The following SLIT3 variants were observed in gnomAD, a reference collection of about 807,000 sequenced individuals.
SLIT3 encodes the protein slit homolog 3 protein.
Under a neutral mutation model 184.0 loss-of-function variants are expected in SLIT3, and 68 were observed. The observed-to-expected ratio is 0.37, with a 90% CI of 0.30 to 0.45. The LOEUF (loss-of-function observed/expected upper bound fraction) is 0.45. Among genes scored for constraint, SLIT3 ranks in the 20% least tolerant of loss-of-function variants. The probability of loss-of-function intolerance (pLI) is 1.00; values close to 1 mark genes in which losing one functional copy is unlikely to be tolerated. For synonymous variants in SLIT3, 831 were observed against 828.6 expected (o/e 1.00, Z -0.05); for missense variants, 1,707 against 2,026.0 (o/e 0.84, Z 3.02).
At chr5:169,189,545 T>TAAAA (rs1404263670) in intron 4 of SLIT3, among the ~76,000 whole-genome samples, 2 of 47,366 alleles carry the variant, frequency 4.2e-5, no homozygotes, top group African/African-American at 1.5e-4. Context: ...TATATATATA[T>TAAAA]ATATATATAT....
intron 3 of SLIT3, among the ~76,000 whole-genome samples, chr5:169,224,074 A>T (rs1365262735): frequency 1.3e-5 from 2 of 152,210 alleles, no homozygotes. Flanking sequence ...TTTGAAGCTA[A>T]AGAGAGCTGC....
chr5:168,776,247 C>T (rs926975695), intron 12 of SLIT3, among the ~76,000 whole-genome samples: 21 of 152,162 alleles, frequency 1.4e-4, no homozygotes, highest in Non-Finnish European at 2.4e-4. Context: ...ATACTCCCCA[C>T]GGTCCCGGTG....
At chr5:169,267,691 C>G (rs1766449082) in intron 1 of SLIT3, among the ~76,000 whole-genome samples, 1 of 152,186 alleles carries the variant, frequency 6.6e-6, no homozygotes, top group Non-Finnish European at 1.5e-5. Flanking sequence ...CAGATCAACA[C>G]AAATGGTCAT....
At chr5:168,712,479 G>A in intron 23 of SLIT3, 125 bp from the exon 24 acceptor site, 1 of 768,106 alleles carries the variant, frequency 1.3e-6, no homozygotes, top group South Asian at 1.5e-5. Context: ...GCTCCTAGCA[G>A]TAGCTGCTGC....
At chr5:169,133,622 A>G (rs1214544103) in intron 4 of SLIT3, among the ~76,000 whole-genome samples, 1 of 152,238 alleles carries the variant, frequency 6.6e-6, no homozygotes, top group Non-Finnish European at 1.5e-5. Context: ...AGGGAGAGGC[A>G]GAATGAGAGG....
At chr5:168,745,677 G>A (rs923722707) in intron 20 of SLIT3, among the ~76,000 whole-genome samples, 2 of 152,220 alleles carry the variant, frequency 1.3e-5, no homozygotes, top group African/African-American at 4.8e-5. Context: ...CTCCCAAAGT[G>A]CTGGGATTAC....
chr5:169,105,380 G>C (rs868133376), intron 4 of SLIT3, among the ~76,000 whole-genome samples: 1 of 152,118 alleles, frequency 6.6e-6, no homozygotes, highest in African/African-American at 2.4e-5. Context: ...TTAAACCAAC[G>C]AAATACCCAA....
At chr5:168,702,675 C>CGATGAT (rs10596363) in intron 26 of SLIT3, among the ~76,000 whole-genome samples, 58 of 149,600 alleles carry the variant, frequency 3.9e-4, no homozygotes, top group East Asian at 1.6e-3. Flanking sequence ...TAAATAATAG[C>CGATGAT]GATGATGATG....
At chr5:168,911,658 G>A (rs2113082506) in intron 4 of SLIT3, among the ~76,000 whole-genome samples, 1 of 152,252 alleles carries the variant, frequency 6.6e-6, no homozygotes, top group East Asian at 1.9e-4. Context: ...AATAAGGAAG[G>A]TTTACGATTA....
chr5:168,705,938 G>T (rs1269535500), intron 26 of SLIT3, among the ~76,000 whole-genome samples: 1 of 152,198 alleles, frequency 6.6e-6, no homozygotes, highest in Non-Finnish European at 1.5e-5. Flanking sequence ...AATCAGAGAA[G>T]AAAATAAATG....
rs1316449546 is a variant in SLIT3 at position 169,300,830 on chromosome 5, A to C, written c.-121T>G. 1 of 1,048,508 alleles carries C rather than the reference A, an allele frequency of 9.5e-7. No individual in the cohort carries two copies. Among genetic ancestry groups the C allele is most frequent in the Non-Finnish European group, 1.2e-6 (1 of 828,572 alleles). The allele number at this position is 1,048,508 out of a possible 1,614,324, so 65.0% of individuals were successfully genotyped here. A position where few individuals can be genotyped will look rare whatever the true frequency, so the allele number is the denominator to read the frequency against. On this transcript the variant is annotated 5_prime_UTR_variant, in exon 1 of 36. Transcript: ENST00000519560. The surrounding 1 kb of genome is among the most constrained non-coding windows in gnomAD (Gnocchi z 4.1). ...GCGGGCGGCGGAGTTAGCGCGGAGGAGGGGCGAGCTCGGTGCTCAGGCGCA... is the reference window on the plus strand; with the variant it reads ...GCGGGCGGCGGAGTTAGCGCGGAGGCGGGGCGAGCTCGGTGCTCAGGCGCA...
intron 4 of SLIT3, among the ~76,000 whole-genome samples, chr5:169,098,919 C>A (rs1486097026): frequency 1.3e-5 from 2 of 152,100 alleles, no homozygotes; most frequent in African/African-American, 2.4e-5. Flanking sequence ...GGGTCACACA[C>A]CTGGGCCGGC....
intron 1 of SLIT3, among the ~76,000 whole-genome samples, chr5:169,254,502 C>G (rs1223764213): frequency 6.6e-6 from 1 of 151,498 alleles, no homozygotes; most frequent in East Asian, 1.9e-4. Flanking sequence ...TTTTTAAATA[C>G]ACTTGCTATC....
intron 4 of SLIT3, among the ~76,000 whole-genome samples, chr5:169,169,999 C>A (rs907246350): frequency 5.9e-5 from 9 of 152,182 alleles, no homozygotes; most frequent in Admixed American, 4.6e-4. Context: ...CCCTTCCTCG[C>A]AGAGGGAATA....
intron 3 of SLIT3, among the ~76,000 whole-genome samples, chr5:169,221,574 G>C (rs1022367099): frequency 1.1e-4 from 16 of 152,176 alleles, no homozygotes; most frequent in African/African-American, 3.9e-4. Flanking sequence ...GCTCCCCCAG[G>C]GGCGCAGGGT....
intron 1 of SLIT3, among the ~76,000 whole-genome samples, chr5:169,274,668 A>G (rs549556318): frequency 6.6e-6 from 1 of 152,230 alleles, no homozygotes. Context: ...GGAGATCTTC[A>G]TGATAGGATA....
intron 4 of SLIT3, among the ~76,000 whole-genome samples, chr5:168,898,672 T>G (rs1010533592): frequency 1.3e-5 from 2 of 152,350 alleles, no homozygotes; most frequent in East Asian, 3.9e-4. Flanking sequence ...TTTTCTTCCT[T>G]TCTTTCCCTT....
At chr5:169,145,290 A>G (rs1761890138) in intron 4 of SLIT3, among the ~76,000 whole-genome samples, 1 of 151,910 alleles carries the variant, frequency 6.6e-6, no homozygotes, top group Non-Finnish European at 1.5e-5. Context: ...AGGAAACACA[A>G]TTTATTATTG....
In SLIT3 at chr5:168,707,810, AGT is replaced by A. The variant is rs1305763743; in HGVS notation, c.2844+164_2844+165del. ...GGCAGCTCCCGCTAGTTCAGAGAAC[AGT>A]GTTACTGGCAAATGCTGCTTTGGAG... On this transcript the variant is annotated intron_variant, in intron 26 of 35. Coordinates refer to ENST00000519560, the MANE Select transcript of SLIT3 (RefSeq NM_003062.4). 1.5e-5 allele frequency: 11 copies of A among 727,786 alleles called. No homozygotes were observed. In the South Asian group the frequency reaches 2.0e-4, roughly 13 times the overall value. The allele number at this position is 727,786 out of a possible 1,614,324, so 45.1% of individuals were successfully genotyped here.
Sources: allele counts gnomAD v4.1 joint callset (sites outside exome capture counted in the v4.1 genomes callset), GRCh38; gene constraint gnomAD v4.1.1; non-coding constraint Gnocchi (gnomAD v3.1); transcripts MANE v1.5; gene names NCBI Gene and HGNC (gene_info 2026-07-23, HGNC 2026-07-21).